Variants in SULT1E1 observed in about 807,000 individuals in gnomAD.
SULT1E1 encodes sulfotransferase 1E1.
In SULT1E1, 36 loss-of-function variants were observed where a neutral mutation model predicts 33.6. That is an observed-to-expected ratio of 1.07 (90% CI 0.82 to 1.41). SULT1E1 has a LOEUF of 1.41. Ranked by LOEUF, SULT1E1 falls within the 40% of genes most tolerant of loss-of-function variation. The probability of loss-of-function intolerance (pLI) is 0.00; values close to 1 mark genes in which losing one functional copy is unlikely to be tolerated. For missense variants in SULT1E1, 371 were observed against 345.7 expected (o/e 1.07, Z -0.58); for synonymous variants, 121 against 111.7 (o/e 1.08, Z -0.53).
intron 1 of SULT1E1, among the ~76,000 whole-genome samples, chr4:69,858,336 A>G (rs1294400300): frequency 1.3e-5 from 2 of 152,182 alleles, no homozygotes; most frequent in East Asian, 1.9e-4. Context: ...TAAAAATGAT[A>G]AGGTTAAGCA....
In SULT1E1 at chr4:69,855,404, A is replaced by T. The variant is rs1454755246; in HGVS notation, c.168T>A (p.Ile56=). Residue 56 remains isoleucine, a synonymous_variant, in exon 3 of 8, where the codon ATT becomes ATA. Transcript: ENST00000226444. ...PKSGTTWVSE[I]VYMIYKEGDV... ...CACCCTCTTTATAGATCATATACACAATTTCACTAACCCAGGTTGTACCTG... is the reference window on the plus strand; with the variant it reads ...CACCCTCTTTATAGATCATATACACTATTTCACTAACCCAGGTTGTACCTG... The T allele has an allele frequency of 1.2e-6, 2 of 1,611,648 alleles. No homozygotes were observed. Among genetic ancestry groups the T allele is most frequent in the Non-Finnish European group, 8.5e-7 (1 of 1,178,802 alleles).
chr4:69,831,470 G>A, the SULT1E1 span, among the ~76,000 whole-genome samples: 11 of 152,184 alleles, frequency 7.2e-5, no homozygotes, highest in South Asian at 1.7e-3. Flanking sequence ...TTAAATGCCC[G>A]GCCTATTGTC....
chr4:69,827,009 T>C, the SULT1E1 span, among the ~76,000 whole-genome samples: 2 of 151,242 alleles, frequency 1.3e-5, no homozygotes, highest in African/African-American at 4.9e-5. Context: ...ATCCCCCAGC[T>C]ATCGGTTATG....
downstream of SULT1E1, among the ~76,000 whole-genome samples, chr4:69,837,903 T>C (rs1234524580): frequency 6.6e-6 from 1 of 152,250 alleles, no homozygotes. Flanking sequence ...TAAAATTCAC[T>C]GAAGTCATCT....
chr4:69,826,799 CCTT>C, the SULT1E1 span, among the ~76,000 whole-genome samples: 1 of 152,106 alleles, frequency 6.6e-6, no homozygotes, highest in Non-Finnish European at 1.5e-5. Context: ...GAGCAAAATA[CCTT>C]ATGTCCAAGC....
chr4:69,824,322 G>A, the SULT1E1 span, among the ~76,000 whole-genome samples: 1 of 152,134 alleles, frequency 6.6e-6, no homozygotes, highest in African/African-American at 2.4e-5. Context: ...TATGACTTGG[G>A]TTAGGATCCC....
chr4:69,855,495 A>C, intron 2 of SULT1E1, 69 bp from the exon 3 acceptor site: 1 of 1,491,546 alleles, frequency 6.7e-7, no homozygotes, highest in Non-Finnish European at 8.9e-7. Flanking sequence ...TGCTGCATTT[A>C]TGGATGGAAA....
intron 4 of SULT1E1, among the ~76,000 whole-genome samples, chr4:69,851,079 T>C (rs1721092297): frequency 6.6e-6 from 1 of 152,250 alleles, no homozygotes; most frequent in Middle Eastern, 3.4e-3. Context: ...CCATTGCTTT[T>C]GGTGTTTTAG....
chr4:69,832,381 A>G, the SULT1E1 span, among the ~76,000 whole-genome samples: 1 of 152,220 alleles, frequency 6.6e-6, no homozygotes. Flanking sequence ...GAAATGTTGC[A>G]GAAAAATCAG....
Position 69,855,406 on chromosome 4 carries a change from T to C in SULT1E1, c.166A>G (p.Ile56Val). 1 of 1,611,582 alleles carries C rather than the reference T, an allele frequency of 6.2e-7. No individual in the cohort carries two copies. The highest frequency in any genetic ancestry group is 1.1e-5 in the South Asian group (1 of 90,782). ...PKSGTTWVSE[I>V]VYMIYKEGDV... is the part of the protein sequence containing the mutation. ...CCCTCTTTATAGATCATATACACAATTTCACTAACCCAGGTTGTACCTGTA... is the reference window on the plus strand; with the variant it reads ...CCCTCTTTATAGATCATATACACAACTTCACTAACCCAGGTTGTACCTGTA... The change falls in exon 3 of 8, where the codon ATT becomes GTT. Residue 56 changes from isoleucine to valine, a missense_variant. Coordinates refer to ENST00000226444, the MANE Select transcript of SULT1E1 (RefSeq NM_005420.3).
the SULT1E1 span, among the ~76,000 whole-genome samples, chr4:69,827,256 C>T: frequency 2.6e-5 from 4 of 152,216 alleles, no homozygotes; most frequent in East Asian, 7.7e-4. Flanking sequence ...TTAACTGCAG[C>T]CCGAGAGTTT....
intron 2 of SULT1E1, 52 bp from the exon 3 acceptor site, chr4:69,855,478 A>G (rs751800868): frequency 6.5e-7 from 1 of 1,539,940 alleles, no homozygotes; most frequent in Non-Finnish European, 8.7e-7. Context: ...AGAGTTGATG[A>G]CATTAGTGCT....
rs528834687 is a variant in SULT1E1 at position 69,847,231 on chromosome 4, G to T, written c.591+467C>A. Among the ~76,000 whole-genome samples, 52 of 149,946 alleles carry T rather than the reference G, an allele frequency of 3.5e-4. No homozygotes were observed. In the South Asian group the frequency reaches 3.8e-3, roughly 11 times the overall value. On this transcript the variant is annotated intron_variant, in intron 6 of 7. Transcript: ENST00000226444. ...TATTTGGCTATTTTTTTTCAAATCTGCTCTGTCAATTTTAATAGTTTTTGT... is the reference window on the plus strand; with the variant it reads ...TATTTGGCTATTTTTTTTCAAATCTTCTCTGTCAATTTTAATAGTTTTTGT...
At chr4:69,856,635 G>T (rs1433565128) in intron 2 of SULT1E1, among the ~76,000 whole-genome samples, 3 of 152,086 alleles carry the variant, frequency 2.0e-5, no homozygotes, top group African/African-American at 7.2e-5. Context: ...CAGATTTAGA[G>T]TCAAGATAAC....
At position 69,857,797 on chromosome 4, in the gene SULT1E1, A is replaced by G. The variant is rs1721276623; in HGVS notation, c.-9-144T>C. Reference sequence around the variant, plus strand: ...GGGCAAAAACATAGTAAAGTTGCATATCAAATAGTTTTGGTACATAGAGAG... The same window carrying G: ...GGGCAAAAACATAGTAAAGTTGCATGTCAAATAGTTTTGGTACATAGAGAG... On this transcript the variant is annotated intron_variant, in intron 1 of 7. Coordinates refer to ENST00000226444, the MANE Select transcript of SULT1E1 (RefSeq NM_005420.3). 2.1e-5 allele frequency: 13 copies of G among 625,652 alleles called. No homozygotes were observed. In the East Asian group the frequency reaches 4.0e-4, roughly 19 times the overall value. 38.8% of individuals were successfully genotyped at this position (625,652 alleles called of 1,614,324 possible). A position where few individuals can be genotyped will look rare whatever the true frequency, so the allele number is the denominator to read the frequency against.
At chr4:69,848,699 A>G (rs1187313022) in intron 5 of SULT1E1, among the ~76,000 whole-genome samples, 1 of 151,986 alleles carries the variant, frequency 6.6e-6, no homozygotes, top group African/African-American at 2.4e-5. Flanking sequence ...CACAAAGCAC[A>G]TATACCTTAT....
Position 69,849,586 on chromosome 4 carries a change from T to C in SULT1E1, c.370-23A>G, listed in dbSNP as rs11569709. ...TATCTAAGAGGATGAAATTGTATAT[T>C]AAACCACTTAACATTTTTTTCAAAC... is the stretch of plus-strand genomic sequence containing the variant. On this transcript the variant is annotated intron_variant, in intron 4 of 7. Transcript: ENST00000226444. 1.0e-4 allele frequency: 157 copies of C among 1,550,712 alleles called. No individual in the cohort carries two copies. In the African/African-American group the frequency reaches 2.1e-3, roughly 20 times the overall value.
the SULT1E1 span, among the ~76,000 whole-genome samples, chr4:69,835,881 C>G: frequency 6.6e-6 from 1 of 152,238 alleles, no homozygotes; most frequent in East Asian, 1.9e-4. Flanking sequence ...TGGCCTCAAG[C>G]TATTCTCCCT....
Position 69,841,693 on chromosome 4 carries a change from T to G in SULT1E1, c.*301A>C. On this transcript the variant is annotated 3_prime_UTR_variant, in exon 8 of 8. Coordinates refer to ENST00000226444, the MANE Select transcript of SULT1E1 (RefSeq NM_005420.3). The stretch of plus-strand genomic sequence containing the variant: ...CTCTACAAAAAAACATTAAAAAAAT[T>G]AGCCAAACATGGTTGCACATGTCTG... 5.2e-6 allele frequency: 1 copy of G among 191,740 alleles called. No homozygotes were observed. The highest frequency in any genetic ancestry group is 1.0e-5 in the Non-Finnish European group (1 of 95,504). 11.9% of individuals were successfully genotyped at this position (191,740 alleles called of 1,614,324 possible). A position where few individuals can be genotyped will look rare whatever the true frequency, so the allele number is the denominator to read the frequency against.
Sources: allele counts gnomAD v4.1 joint callset (sites outside exome capture counted in the v4.1 genomes callset), GRCh38; gene constraint gnomAD v4.1.1; transcripts MANE v1.5; gene names NCBI Gene and HGNC (gene_info 2026-07-23, HGNC 2026-07-21).